FRMPD3: variants seen among roughly 807,000 people sequenced by gnomAD.
FRMPD3 encodes FERM and PDZ domain containing 3.
A neutral mutation model predicts 97.9 loss-of-function variants in FRMPD3; 42 were observed. The observed-to-expected ratio is 0.43, with a 90% CI of 0.34 to 0.55. The LOEUF (loss-of-function observed/expected upper bound fraction) is 0.55. Ranked by LOEUF, FRMPD3 falls within the 20% of genes least tolerant of loss-of-function variation. The probability of loss-of-function intolerance (pLI) is 0.03; values close to 1 mark genes in which losing one functional copy is unlikely to be tolerated. For missense variants in FRMPD3, 1,303 were observed against 1,457.7 expected (o/e 0.89, Z 1.73); for synonymous variants, 577 against 581.1 (o/e 0.99, Z 0.10).
chrX:107,574,776 A>G (rs1329763578), intron 12 of FRMPD3, among the ~76,000 whole-genome samples: 1 of 111,069 alleles, frequency 9.0e-6, no homozygotes, highest in Non-Finnish European at 1.9e-5. Flanking sequence ...GGCCCTAACC[A>G]CCTCTCTCCT....
intron 1 of FRMPD3, among the ~76,000 whole-genome samples, chrX:107,511,662 C>G (rs1478747113): frequency 8.9e-6 from 1 of 112,856 alleles, no homozygotes; most frequent in Non-Finnish European, 1.9e-5. Flanking sequence ...CAAACAGCCC[C>G]CAGAGGGGTG....
At chrX:107,522,319 T>G in intron 1 of FRMPD3, 1 of 503,987 alleles carries the variant, frequency 2.0e-6, no homozygotes, top group South Asian at 2.7e-5. Context: ...TCTGTAACCA[T>G]GATCTCATTT....
In FRMPD3 at chrX:107,602,889, C is replaced by G; in HGVS notation, c.4850C>G (p.Pro1617Arg). 1 of 1,211,219 alleles carries G rather than the reference C, an allele frequency of 8.3e-7. No individual in the cohort carries two copies. Reference protein sequence around the residue: ...QCVASPEARAPKPYVSQISEY... With the variant: ...QCVASPEARARKPYVSQISEY... The stretch of plus-strand genomic sequence containing the variant: ...GTGGCCAGCCCCGAGGCCCGTGCCC[C>G]CAAGCCCTATGTGTCTCAGATCTCC... The change falls in exon 15 of 15, where the codon CCC (proline) becomes CGC (arginine). Residue 1617 changes from proline (P) to arginine (R), a missense_variant. Pro to Arg is a moderately radical substitution (Grantham distance 103). Around this residue, in one of 3 missense-constraint regions of FRMPD3, gnomAD observed 764 missense variants for 820.2 expected, o/e 0.93. Transcript: ENST00000683843.
intron 1 of FRMPD3, among the ~76,000 whole-genome samples, chrX:107,464,988 C>T (rs1931533229): frequency 8.9e-6 from 1 of 111,958 alleles, no homozygotes; most frequent in African/African-American, 3.3e-5. Flanking sequence ...CGTTCATGCA[C>T]ATATATGGGA....
At chrX:107,569,755 G>T (rs1051831169) in intron 12 of FRMPD3, among the ~76,000 whole-genome samples, 2 of 112,338 alleles carry the variant, frequency 1.8e-5, no homozygotes, top group East Asian at 2.8e-4. Context: ...AGTGGCTCAC[G>T]CCTGTAATCT....
rs776528740 is a variant in FRMPD3 at position 107,597,476 on chromosome X, A to G, written c.1597A>G (p.Met533Val). 8.3e-6 allele frequency: 10 copies of G among 1,208,959 alleles called. No individual in the cohort carries two copies. In the South Asian group the frequency reaches 1.6e-4, roughly 19 times the overall value. ...GCTTGTCAGCTTCTGCTACCTCCAT[A>G]TGCGGGAACAAAGGAAGGAGCAGGA... ...SELVSFCYLH[M>V]REQRKEQESR... Residue 533 changes from methionine (M) to valine (V), a missense_variant, in exon 14 of 15, where the codon ATG becomes GTG. Met to Val is a conservative substitution (Grantham distance 21). This residue lies in a region of FRMPD3 where 535 missense variants were observed against 618.6 expected (regional missense o/e 0.86). Coordinates refer to ENST00000683843, the MANE Select transcript of FRMPD3 (RefSeq NM_001388459.1).
At chrX:107,570,013 C>CA (rs1298281050) in intron 12 of FRMPD3, among the ~76,000 whole-genome samples, 48 of 43,824 alleles carry the variant, frequency 1.1e-3, no homozygotes, top group African/African-American at 4.0e-3. Flanking sequence ...AAGAGACAGT[C>CA]AAAAAAAAAA....
chrX:107,567,238 G>A (rs1054749126), intron 12 of FRMPD3, among the ~76,000 whole-genome samples: 55 of 111,315 alleles, frequency 4.9e-4, no homozygotes, highest in African/African-American at 1.6e-3. Flanking sequence ...CTCCCAAGTC[G>A]GCCTCCCAAA....
intron 1 of FRMPD3, among the ~76,000 whole-genome samples, chrX:107,481,072 G>A (rs1260897231): frequency 9.0e-6 from 1 of 111,601 alleles, no homozygotes; most frequent in East Asian, 2.8e-4. Flanking sequence ...GGTCAGAAGG[G>A]CTCTCTGAAA....
chrX:107,600,517 T>A lies in FRMPD3; in HGVS notation c.2478T>A (p.Val826=), dbSNP rs1211002642. The change falls in exon 15 of 15, where the codon GTT becomes GTA. Residue 826 remains valine (V), a synonymous_variant. Coordinates refer to ENST00000683843, the MANE Select transcript of FRMPD3 (RefSeq NM_001388459.1). ...TCCAGAGCTGTGCAGCCCAGGCCGT[T>A]CTTACGGCCCCTTACTCTCTTGGGC... ...FRIQSCAAQA[V]LTAPYSLGRP... The A allele has an allele frequency of 8.3e-7, 1 of 1,208,718 alleles. No homozygotes were observed. The highest frequency in any genetic ancestry group is 1.1e-6 in the Non-Finnish European group (1 of 894,919).
At chrX:107,534,937 G>A (rs1345915950) in intron 4 of FRMPD3, among the ~76,000 whole-genome samples, 1 of 112,119 alleles carries the variant, frequency 8.9e-6, no homozygotes, top group Non-Finnish European at 1.9e-5. Context: ...GGGCAGGCAA[G>A]CCCCACCACT....
chrX:107,525,256 G>T (rs956291405), intron 1 of FRMPD3, among the ~76,000 whole-genome samples: 4 of 111,455 alleles, frequency 3.6e-5, no homozygotes, highest in Non-Finnish European at 5.7e-5. Flanking sequence ...TGGGCCACTT[G>T]GCCCTGGCCC....
At chrX:107,493,590 C>T (rs6622233) in intron 1 of FRMPD3, among the ~76,000 whole-genome samples, 10,825 of 111,665 alleles carry the variant, frequency 0.097, 572 homozygotes, top group East Asian at 0.23. Context: ...TTCTTTTAGG[C>T]CTTTAAGCTA....
chrX:107,568,070 T>C (rs1027962846), intron 12 of FRMPD3, among the ~76,000 whole-genome samples: 5 of 110,677 alleles, frequency 4.5e-5, no homozygotes, highest in Non-Finnish European at 9.4e-5. Context: ...CTCTGAAGAA[T>C]GGTACTATGT....
intron 12 of FRMPD3, among the ~76,000 whole-genome samples, chrX:107,568,098 T>C: frequency 9.1e-6 from 1 of 109,885 alleles, no homozygotes; most frequent in Non-Finnish European, 1.9e-5. Context: ...AGAAGCAAAA[T>C]GGATGATATT....
chrX:107,547,304 G>A (rs974364364), intron 5 of FRMPD3, among the ~76,000 whole-genome samples: 8 of 110,723 alleles, frequency 7.2e-5, no homozygotes, highest in Admixed American at 4.8e-4. Flanking sequence ...GTCAAGGGCA[G>A]GCCACCCAGT....
chrX:107,488,699 C>A (rs1403111160), intron 1 of FRMPD3, among the ~76,000 whole-genome samples: 1 of 111,363 alleles, frequency 9.0e-6, no homozygotes, highest in Admixed American at 9.6e-5. Context: ...ACTTTCAGTC[C>A]AGTGGGTTTT....
At chrX:107,466,989 G>GGT (rs773231357) in intron 1 of FRMPD3, among the ~76,000 whole-genome samples, 6,849 of 98,011 alleles carry the variant, frequency 0.07, 352 homozygotes, top group African/African-American at 0.16. Context: ...ACAGGTTGGA[G>GGT]GTGTGTGTGT....
rs1924480697 is a variant in FRMPD3 at position 107,601,074 on chromosome X, G to A, written c.3035G>A (p.Ser1012Asn). The A allele has an allele frequency of 8.3e-7, 1 of 1,207,835 alleles. No homozygotes were observed. Among genetic ancestry groups the A allele is most frequent in the African/African-American group, 1.7e-5 (1 of 57,643 alleles). Residue 1012 changes from serine to asparagine, a missense_variant, in exon 15 of 15, where the codon AGC (serine) becomes AAC (asparagine). Around this residue, in one of 3 missense-constraint regions of FRMPD3, gnomAD observed 764 missense variants for 820.2 expected, o/e 0.93. Coordinates refer to ENST00000683843, the MANE Select transcript of FRMPD3 (RefSeq NM_001388459.1). ...SASKNLKFKI[S>N]PSAPETSWNS... is the part of the protein sequence containing the mutation. ...AGTAAGAATCTGAAGTTCAAAATTAGCCCCAGTGCTCCAGAGACCTCATGG... is the reference window on the plus strand; with the variant it reads ...AGTAAGAATCTGAAGTTCAAAATTAACCCCAGTGCTCCAGAGACCTCATGG...
Sources: gnomAD v4.1 joint callset for allele counts (sites outside exome capture counted in the v4.1 genomes callset) on GRCh38, gnomAD v4.1.1 for gene constraint, gnomAD v4.1.1 regional missense constraint, MANE v1.5 for transcripts, NCBI Gene and HGNC (gene_info 2026-07-23, HGNC 2026-07-21) for gene names.